ZZZ3: variants seen among roughly 807,000 people sequenced by gnomAD.
The protein encoded by ZZZ3 is ZZ-type zinc finger-containing protein 3.
Under a neutral mutation model 95.2 loss-of-function variants are expected in ZZZ3, and 22 were observed. The ratio of observed to expected loss-of-function variants is 0.23; its 90% CI spans 0.17 to 0.33. The LOEUF is 0.33. Among genes scored for constraint, ZZZ3 ranks in the 10% least tolerant of loss-of-function variants. The probability of loss-of-function intolerance (pLI) is 1.00; values close to 1 mark genes in which losing one functional copy is unlikely to be tolerated. For synonymous variants in ZZZ3, 335 were observed against 358.9 expected (o/e 0.93, Z 0.75); for missense variants, 885 against 1,066.5 (o/e 0.83, Z 2.37).
At chr1:77,643,670 C>A (rs2100917413) in intron 1 of ZZZ3, among the ~76,000 whole-genome samples, 1 of 152,338 alleles carries the variant, frequency 6.6e-6, no homozygotes, top group Middle Eastern at 3.4e-3. Flanking sequence ...ACTGGTACTA[C>A]TGTGTTAAAT....
chr1:77,638,408 T>C (rs1039894279), intron 4 of ZZZ3, among the ~76,000 whole-genome samples: 1 of 152,220 alleles, frequency 6.6e-6, no homozygotes, highest in African/African-American at 2.4e-5. Flanking sequence ...CCAGCTCCTA[T>C]GATCATACCT....
intron 5 of ZZZ3, among the ~76,000 whole-genome samples, chr1:77,612,702 G>A (rs1050217175): frequency 6.6e-5 from 10 of 151,910 alleles, no homozygotes; most frequent in Non-Finnish European, 1.0e-4. Context: ...CAAATATTGC[G>A]TGATCTGGTC....
At chr1:77,565,854 T>A (rs186261443) in intron 14 of ZZZ3, 70 bp from the exon 15 acceptor site, 2 of 1,405,864 alleles carry the variant, frequency 1.4e-6, no homozygotes, top group East Asian at 2.4e-5. Context: ...TTACAAAGCT[T>A]CCTCACAGCT....
chr1:77,642,647 C>T (rs1361856856), intron 1 of ZZZ3, among the ~76,000 whole-genome samples: 1 of 151,890 alleles, frequency 6.6e-6, no homozygotes, highest in African/African-American at 2.4e-5. Context: ...GTCCCAAGTA[C>T]TTGGTTGAGG....
chr1:77,616,290 C>T (rs1172579701), intron 5 of ZZZ3, among the ~76,000 whole-genome samples: 1 of 152,170 alleles, frequency 6.6e-6, no homozygotes, highest in African/African-American at 2.4e-5. Context: ...GAACACCTGC[C>T]ACATTTAAAA....
At chr1:77,587,932 T>C (rs1663266905) in intron 5 of ZZZ3, among the ~76,000 whole-genome samples, 1 of 152,208 alleles carries the variant, frequency 6.6e-6, no homozygotes, top group Non-Finnish European at 1.5e-5. Context: ...TTCTCTTTAT[T>C]TTGATTTTCT....
At chr1:77,583,294 G>A (rs866255875) in intron 6 of ZZZ3, among the ~76,000 whole-genome samples, 17 of 151,854 alleles carry the variant, frequency 1.1e-4, no homozygotes, top group African/African-American at 3.9e-4. Flanking sequence ...TAAAAATTTC[G>A]TTTCAAATTT....
At chr1:77,652,671 A>G (rs1200241822) in intron 1 of ZZZ3, among the ~76,000 whole-genome samples, 1 of 152,232 alleles carries the variant, frequency 6.6e-6, no homozygotes, top group Non-Finnish European at 1.5e-5. Context: ...ATTATTCATA[A>G]TAGTTATAAA....
At chr1:77,608,053 C>A (rs936443441) in intron 5 of ZZZ3, among the ~76,000 whole-genome samples, 4 of 151,906 alleles carry the variant, frequency 2.6e-5, no homozygotes, top group African/African-American at 9.7e-5. Flanking sequence ...GAGTTATTAG[C>A]CTTAAAGAGG....
At chr1:77,631,668 C>T (rs779410921) in intron 5 of ZZZ3, among the ~76,000 whole-genome samples, 182 bp downstream of exon 5, 1 of 152,078 alleles carries the variant, frequency 6.6e-6, no homozygotes, top group Admixed American at 6.6e-5. Flanking sequence ...ATAGAACACA[C>T]GTGTAAAGTT....
chr1:77,670,919 CTATAA>C (rs1190275168), intron 1 of ZZZ3, among the ~76,000 whole-genome samples: 4 of 150,940 alleles, frequency 2.7e-5, no homozygotes, highest in African/African-American at 9.8e-5. Context: ...ACATACACAC[CTATAA>C]TCCCAGCTAC....
At chr1:77,581,728 T>G (rs773471870) in intron 8 of ZZZ3, 48 bp downstream of exon 8, 26 of 1,422,610 alleles carry the variant, frequency 1.8e-5, no homozygotes, top group Non-Finnish European at 2.4e-5. Context: ...GTTAAATTGT[T>G]TTGTCTAAAA....
chr1:77,682,138 C>T (rs567125492), intron 1 of ZZZ3, among the ~76,000 whole-genome samples: 9 of 152,168 alleles, frequency 5.9e-5, no homozygotes, highest in East Asian at 1.9e-4. Flanking sequence ...ACTGAAAATA[C>T]GAAGTCAGGG....
At chr1:77,569,527 G>A (rs1233593656) in intron 12 of ZZZ3, among the ~76,000 whole-genome samples, 1 of 152,016 alleles carries the variant, frequency 6.6e-6, no homozygotes, top group Non-Finnish European at 1.5e-5. Flanking sequence ...TAAAATTGCT[G>A]ACAACACTGT....
chr1:77,628,504 T>A (rs894720985), intron 5 of ZZZ3, among the ~76,000 whole-genome samples: 17 of 152,178 alleles, frequency 1.1e-4, no homozygotes, highest in Admixed American at 8.5e-4. Context: ...ACCCAGAACA[T>A]CCACAGATTT....
At chr1:77,598,682 G>A (rs899314834) in intron 5 of ZZZ3, among the ~76,000 whole-genome samples, 11 of 152,066 alleles carry the variant, frequency 7.2e-5, no homozygotes, top group Non-Finnish European at 1.3e-4. Flanking sequence ...TTAAGACATA[G>A]TGCAATCATG....
chr1:77,617,185 TG>T (rs1172836821), intron 5 of ZZZ3, among the ~76,000 whole-genome samples: 1 of 152,184 alleles, frequency 6.6e-6, no homozygotes, highest in Non-Finnish European at 1.5e-5. Flanking sequence ...TATAATCCAG[TG>T]GCACTTAGTA....
chr1:77,659,036 T>C (rs568606377), intron 1 of ZZZ3, among the ~76,000 whole-genome samples: 2 of 152,140 alleles, frequency 1.3e-5, no homozygotes, highest in South Asian at 4.1e-4. Context: ...CTGAACAACA[T>C]GGAGAAACCC....
chr1:77,669,784 G>A (rs971512951), intron 1 of ZZZ3, among the ~76,000 whole-genome samples: 5 of 151,618 alleles, frequency 3.3e-5, no homozygotes, highest in Non-Finnish European at 7.4e-5. Flanking sequence ...AGTTTAAAAA[G>A]GTTTATAGAT....
Sources: gnomAD v4.1 joint callset for allele counts (sites outside exome capture counted in the v4.1 genomes callset) on GRCh38, gnomAD v4.1.1 for gene constraint, MANE v1.5 for transcripts, NCBI Gene and HGNC (gene_info 2026-07-23, HGNC 2026-07-21) for gene names.